The following MATR3 variants were observed in gnomAD, a reference collection of about 807,000 sequenced individuals.
The protein encoded by MATR3 is matrin 3.
In MATR3, 4 loss-of-function variants were observed where a neutral mutation model predicts 85.5. The observed-to-expected ratio is 0.05, with a 90% CI of 0.02 to 0.11. The LOEUF is 0.11. Among genes scored for constraint, MATR3 ranks in the 10% least tolerant of loss-of-function variants. The pLI, the probability that MATR3 is intolerant of heterozygous loss-of-function variation, is 1.00. For synonymous variants in MATR3, 336 were observed against 343.1 expected, an observed-to-expected ratio of 0.98 and a Z score of 0.23; for missense variants, 685 against 1,016.1, an observed-to-expected ratio of 0.67 and a Z score of 4.43.
chr5:139,282,540 T>C (rs1202696328), intron 3 of MATR3, among the ~76,000 whole-genome samples: 3 of 152,220 alleles, frequency 2.0e-5, no homozygotes, highest in Non-Finnish European at 4.4e-5. Context: ...ACAATACTTT[T>C]AGATTTATAG....
Position 139,294,035 on chromosome 5 carries a change from G to A in MATR3, c.-178+230G>A, listed in dbSNP as rs1561924878. 2.8e-5 allele frequency: 35 copies of A among 1,243,914 alleles called. No homozygotes were observed. The South Asian group carries it at 3.0e-4, about 11-fold the overall frequency. The allele number at this position is 1,243,914 out of a possible 1,614,324, so 77.1% of individuals were successfully genotyped here. ...GCCTTCTAGGGCGGCGGAGGTGAGC[G>A]GTCCGGGAGGGAAACACGCGGCCGG... On this transcript the variant is annotated intron_variant, in intron 1 of 14. Coordinates refer to ENST00000394805, the MANE Select transcript of MATR3 (RefSeq NM_018834.6).
upstream of MATR3, among the ~76,000 whole-genome samples, chr5:139,289,077 C>T (rs746064199): frequency 1.3e-5 from 2 of 152,322 alleles, no homozygotes; most frequent in Non-Finnish European, 2.9e-5. Context: ...CCACCACACC[C>T]GGCCAACATC....
chr5:139,289,586 C>T (rs184928285), upstream of MATR3, among the ~76,000 whole-genome samples: 43 of 152,308 alleles, frequency 2.8e-4, no homozygotes, highest in Admixed American at 4.6e-4. Flanking sequence ...AATGAAATTT[C>T]AGCACTGTCT....
intron 3 of MATR3, 76 bp downstream of exon 3, chr5:139,314,812 C>A: frequency 3.1e-6 from 4 of 1,302,482 alleles, no homozygotes; most frequent in Non-Finnish European, 4.4e-6. Flanking sequence ...GGGAGTTCAT[C>A]ATTTACTTGT....
chr5:139,321,611 C>T (rs1369454720), intron 9 of MATR3, among the ~76,000 whole-genome samples: 1 of 152,068 alleles, frequency 6.6e-6, no homozygotes, highest in Non-Finnish European at 1.5e-5. Flanking sequence ...GGCGAAACTG[C>T]ACCTCTACAA....
intron 3 of MATR3, among the ~76,000 whole-genome samples, chr5:139,282,020 C>T (rs1581201506): frequency 6.6e-6 from 1 of 152,088 alleles, no homozygotes; most frequent in South Asian, 2.1e-4. Flanking sequence ...CAAATTTAAA[C>T]CAGAAAAGCA....
intron 14 of MATR3, among the ~76,000 whole-genome samples, chr5:139,327,426 T>C (rs1755910571): frequency 6.6e-6 from 1 of 152,132 alleles, no homozygotes. Flanking sequence ...CAAATTATTT[T>C]ATTTTATTTT....
chr5:139,281,310 G>A (rs1285539454), intron 3 of MATR3, among the ~76,000 whole-genome samples: 1 of 150,310 alleles, frequency 6.7e-6, no homozygotes, highest in Non-Finnish European at 1.5e-5. Flanking sequence ...GAGTAGCTAG[G>A]ATTACAGATG....
chr5:139,322,087 C>G (rs1755602825), intron 10 of MATR3, 58 bp downstream of exon 10: 1 of 1,558,732 alleles, frequency 6.4e-7, no homozygotes, highest in South Asian at 1.1e-5. Flanking sequence ...TTTAAAGCCA[C>G]AACATTCTTT....
At chr5:139,322,421 T>C in intron 10 of MATR3, 42 bp from the exon 11 acceptor site, 1 of 1,540,514 alleles carries the variant, frequency 6.5e-7, no homozygotes, top group African/African-American at 1.4e-5. Context: ...TAATTGTGTA[T>C]TCTGCAAATG....
chr5:139,308,258 C>G lies in MATR3; in HGVS notation c.843C>G (p.Phe281Leu). The change falls in exon 2 of 15, where the codon TTC (phenylalanine) becomes TTG (leucine). Residue 281 changes from phenylalanine to leucine, a missense_variant. Around this residue, in one of 9 missense-constraint regions of MATR3, gnomAD observed 223 missense variants for 334.4 expected, o/e 0.67. Coordinates refer to ENST00000394805, the MANE Select transcript of MATR3 (RefSeq NM_018834.6). ...CTCCAAGTAGCAATATTGAAGACTT[C>G]CATGGACTCTTACCGAAGGGTTATC... is the stretch of plus-strand genomic sequence containing the variant. ...GAPPSSNIED[F>L]HGLLPKGYPH... 2 of 1,614,082 alleles carry G rather than the reference C, an allele frequency of 1.2e-6. No homozygotes were observed. The highest frequency in any genetic ancestry group is 1.7e-6 in the Non-Finnish European group (2 of 1,179,982).
At chr5:139,316,016 T>C (rs1296988241) in intron 4 of MATR3, 60 bp from the exon 5 acceptor site, 1 of 1,283,746 alleles carries the variant, frequency 7.8e-7, no homozygotes, top group South Asian at 1.2e-5. Flanking sequence ...ACATTTAATC[T>C]TAATTCTTTC....
intron 2 of MATR3, chr5:139,311,424 A>G (rs1320158494): frequency 6.6e-6 from 1 of 152,218 alleles, no homozygotes; most frequent in Non-Finnish European, 1.5e-5. Context: ...TCCCCACCGT[A>G]AACCAACCAG....
chr5:139,277,251 C>T, intron 2 of MATR3, among the ~76,000 whole-genome samples: 1 of 151,670 alleles, frequency 6.6e-6, no homozygotes. Flanking sequence ...CTCAAGTGAT[C>T]TCCTGCCTCT....
intron 5 of MATR3, 31 bp from the exon 6 acceptor site, chr5:139,317,022 A>G: frequency 6.2e-7 from 1 of 1,601,864 alleles, no homozygotes; most frequent in Non-Finnish European, 8.5e-7. Context: ...TATAGTGATT[A>G]CAAGACTGAA....
intron 1 of MATR3, among the ~76,000 whole-genome samples, chr5:139,297,943 GAGA>G (rs1178925093): frequency 1.3e-5 from 2 of 152,194 alleles, no homozygotes; most frequent in Non-Finnish European, 2.9e-5. Context: ...CTTGCCTGTG[GAGA>G]AGGAGAGAGT....
At chr5:139,323,892 G>GAA (rs200270742) in intron 12 of MATR3, among the ~76,000 whole-genome samples, 2 of 144,334 alleles carry the variant, frequency 1.4e-5, no homozygotes, top group East Asian at 2.0e-4. Flanking sequence ...ACTGTCTCAA[G>GAA]AAAAAAAAAA....
intron 3 of MATR3, among the ~76,000 whole-genome samples, chr5:139,286,889 T>G (rs1338253204): frequency 6.6e-6 from 1 of 152,110 alleles, no homozygotes; most frequent in Non-Finnish European, 1.5e-5. Context: ...TGTTATCAAC[T>G]GCTTAGTAGA....
intron 9 of MATR3, 120 bp downstream of exon 9, chr5:139,319,621 G>T: frequency 1.2e-6 from 1 of 825,168 alleles, no homozygotes; most frequent in Non-Finnish European, 1.9e-6. Flanking sequence ...GCCAAGGCAG[G>T]CAAATCACCT....
Sources: gnomAD v4.1 joint callset for allele counts (sites outside exome capture counted in the v4.1 genomes callset) on GRCh38, gnomAD v4.1.1 for gene constraint, gnomAD v4.1.1 regional missense constraint, MANE v1.5 for transcripts, NCBI Gene and HGNC (gene_info 2026-07-23, HGNC 2026-07-21) for gene names.